ULK1: variants seen among roughly 807,000 people sequenced by gnomAD.
ULK1 encodes the protein unc-51 like autophagy activating kinase 1.
Under a neutral mutation model 117.5 loss-of-function variants are expected in ULK1, and 48 were observed. The ratio of observed to expected loss-of-function variants is 0.41; its 90% confidence interval spans 0.32 to 0.52. The LOEUF (loss-of-function observed/expected upper bound fraction) is 0.52. Ranked by LOEUF, ULK1 falls within the 20% of genes least tolerant of loss-of-function variation. ULK1 has a pLI of 0.29. For synonymous variants in ULK1, 790 were observed against 637.8 expected (o/e 1.24, Z -3.60); for missense variants, 1,387 against 1,473.4 (o/e 0.94, Z 0.96).
chr12:131,912,834 A>AG (rs1889600096), intron 13 of ULK1, among the ~76,000 whole-genome samples: 1 of 151,836 alleles, frequency 6.6e-6, no homozygotes. Context: ...GTATTCCTGG[A>AG]GGGGGTTGGG....
At position 131,916,583 on chromosome 12, in the gene ULK1, C is replaced by G. The variant is rs981468661; in HGVS notation, c.2064C>G (p.Pro688=). The change falls in exon 20 of 28, where the codon CCC becomes CCG. Residue 688 remains proline (P), a synonymous_variant. Transcript: ENST00000321867. ...GLRPGEDPKG[P]FGRSFSTSRL... ...GGCCAGGCGAGGACCCCAAGGGCCC[C>G]TTTGGCCGGTGAGTTGAGGGGACAG... 6.3e-7 allele frequency: 1 copy of G among 1,578,290 alleles called. No individual in the cohort carries two copies. Among genetic ancestry groups the G allele is most frequent in the Non-Finnish European group, 8.6e-7 (1 of 1,168,508 alleles).
intron 1 of ULK1, 51 bp from the exon 2 acceptor site, chr12:131,895,550 G>C: frequency 2.0e-6 from 3 of 1,501,662 alleles, no homozygotes; most frequent in Non-Finnish European, 2.8e-6. Flanking sequence ...GGGTCTGGGG[G>C]AGGCCTGCGA....
At chr12:131,904,423 C>T (rs549713648) in intron 3 of ULK1, among the ~76,000 whole-genome samples, 17 of 152,336 alleles carry the variant, frequency 1.1e-4, no homozygotes, top group South Asian at 6.2e-4. Context: ...GCTGGGATGA[C>T]GGGCATGAGC....
At chr12:131,897,633 G>A (rs1184359492) in intron 3 of ULK1, 1 of 152,104 alleles carries the variant, frequency 6.6e-6, no homozygotes, top group Non-Finnish European at 1.5e-5. Context: ...ATATCAGAAA[G>A]TTTACCCCTC....
Position 131,920,110 on chromosome 12 carries a change from C to T in ULK1, c.2935C>T (p.Leu979Phe). Residue 979 changes from leucine (L) to phenylalanine (F), a missense_variant, in exon 26 of 28, where the codon CTC becomes TTC. Physicochemically the swap from Leu to Phe is conservative, Grantham distance 22 (BLOSUM62 0). Coordinates refer to ENST00000321867, the MANE Select transcript of ULK1 (RefSeq NM_003565.4). ...DRIHSITAER[L>F]IFSHAVQMVQ... ...CATTCACAGCATCACTGCCGAGAGG[C>T]TCATCTTCAGCCACGCTGTGCAGAT... The T allele has an allele frequency of 1.9e-6, 3 of 1,612,836 alleles. No individual in the cohort carries two copies. Among genetic ancestry groups the T allele is most frequent in the Non-Finnish European group, 2.5e-6 (3 of 1,179,918 alleles).
At position 131,921,091 on chromosome 12, in the gene ULK1, C is replaced by T. The variant is rs370810228; in HGVS notation, c.2962-9C>T. 7.6e-6 allele frequency: 12 copies of T among 1,583,376 alleles called. No homozygotes were observed. The highest frequency in any genetic ancestry group is 4.5e-5 in the East Asian group (2 of 44,058). ...GCTGGCCCTGTCCAGCCTCTGTCCTCGCCCCCAGGTGCAGTCGGCTGCCCT... is the reference window on the plus strand; with the variant it reads ...GCTGGCCCTGTCCAGCCTCTGTCCTTGCCCCCAGGTGCAGTCGGCTGCCCT... On this transcript the variant is annotated splice_polypyrimidine_tract_variant and intron_variant, in intron 26 of 27. Coordinates refer to ENST00000321867, the MANE Select transcript of ULK1 (RefSeq NM_003565.4).
intron 10 of ULK1, 52 bp from the exon 11 acceptor site, chr12:131,910,202 T>G: frequency 6.2e-7 from 1 of 1,609,258 alleles, no homozygotes; most frequent in Non-Finnish European, 8.5e-7. Flanking sequence ...GGCAGGGGCC[T>G]GGGGTCAGAG....
In ULK1 at chr12:131,913,274, T is replaced by G; in HGVS notation, c.1157+16T>G. 6.5e-7 allele frequency: 1 copy of G among 1,545,904 alleles called. No individual in the cohort carries two copies. On this transcript the variant is annotated intron_variant, in intron 14 of 27. Transcript: ENST00000321867. ...TGTGCAGTGGGTGAGCCCCCATCCCTTACCTCTGTATTTTAGGGGAGAGAA... is the reference window on the plus strand; with the variant it reads ...TGTGCAGTGGGTGAGCCCCCATCCCGTACCTCTGTATTTTAGGGGAGAGAA...
At chr12:131,917,624 C>T (rs988976814) in intron 22 of ULK1, 70 bp downstream of exon 22, 2 of 1,294,930 alleles carry the variant, frequency 1.5e-6, no homozygotes, top group South Asian at 2.5e-5. Flanking sequence ...ACGGGGGCAT[C>T]CTTTAACTCG....
intron 8 of ULK1, among the ~76,000 whole-genome samples, 170 bp downstream of exon 8, chr12:131,909,407 C>A (rs1035082038): frequency 1.3e-5 from 2 of 152,320 alleles, no homozygotes; most frequent in African/African-American, 4.8e-5. Flanking sequence ...CGGTGTCCCC[C>A]AGGGAGGGCG....
Position 131,917,485 on chromosome 12 carries a change from GTCTTCACCGTGGGC to G in ULK1, c.2261_2274del (p.Phe754SerfsTer43), listed in dbSNP as rs747208869. 6.6e-7 allele frequency: 1 copy of G among 1,506,206 alleles called. No homozygotes were observed. Among genetic ancestry groups the G allele is most frequent in the Admixed American group, 2.2e-5 (1 of 46,014 alleles). 93.3% of individuals were successfully genotyped at this position (1,506,206 alleles called of 1,614,324 possible). On this transcript the variant is annotated frameshift_variant, in exon 22 of 28. Coordinates refer to ENST00000321867, the MANE Select transcript of ULK1 (RefSeq NM_003565.4). LOFTEE classifies it high-confidence loss of function. ...GGGCACCAGCAGCCCTTCCCCGGTG[GTCTTCACCGTGGGC>G]TCTCCCCCGAGCGGGAGCACGCCCC...
intron 18 of ULK1, among the ~76,000 whole-genome samples, 183 bp from the exon 19 acceptor site, chr12:131,915,708 G>A (rs1290492482): frequency 6.6e-6 from 1 of 152,120 alleles, no homozygotes; most frequent in Admixed American, 6.5e-5. Context: ...GGCAGAGGTT[G>A]CAGTGAGCCG....
intron 5 of ULK1, 36 bp downstream of exon 5, chr12:131,907,567 G>C: frequency 6.3e-7 from 1 of 1,598,440 alleles, no homozygotes; most frequent in East Asian, 2.3e-5. Context: ...GCTGCCAGCC[G>C]GTCCCACAGG....
intron 22 of ULK1, 46 bp downstream of exon 22, chr12:131,917,600 C>T: frequency 7.5e-7 from 1 of 1,341,796 alleles, no homozygotes; most frequent in Non-Finnish European, 9.6e-7. Flanking sequence ...GGGGTGGTGG[C>T]AGCGCCCTAG....
At chr12:131,913,927 T>TCTGGACACAGCAGGCCTG in intron 15 of ULK1, 91 bp downstream of exon 15, 1 of 1,186,954 alleles carries the variant, frequency 8.4e-7, no homozygotes, top group Non-Finnish European at 1.1e-6. Context: ...AGCCCAGGCC[T>TCTGGACACAGCAGGCCTG]GCTGTGTCCA....
chr12:131,910,835 C>T, intron 12 of ULK1, 35 bp downstream of exon 12: 2 of 1,610,848 alleles, frequency 1.2e-6, no homozygotes, highest in Non-Finnish European at 8.5e-7. Flanking sequence ...GCAGCTTCTC[C>T]CTCCACTCAG....
intron 13 of ULK1, among the ~76,000 whole-genome samples, chr12:131,912,433 C>T (rs1889581412): frequency 6.6e-6 from 1 of 152,214 alleles, no homozygotes; most frequent in Non-Finnish European, 1.5e-5. Context: ...GTTGCCTCTA[C>T]ACCCTGCAGG....
chr12:131,917,711 G>A (rs896269118), intron 22 of ULK1, among the ~76,000 whole-genome samples, 157 bp downstream of exon 22: 3 of 152,164 alleles, frequency 2.0e-5, no homozygotes, highest in Middle Eastern at 3.2e-3. Flanking sequence ...CCCCTGCTCT[G>A]TCTCCCCGTC....
intron 6 of ULK1, 40 bp from the exon 7 acceptor site, chr12:131,908,858 C>T (rs755714351): frequency 3.1e-6 from 5 of 1,606,028 alleles, no homozygotes; most frequent in East Asian, 4.5e-5. Flanking sequence ...CGGGGAGGGG[C>T]TCCGGGGCCG....
Sources: allele counts gnomAD v4.1 joint callset (sites outside exome capture counted in the v4.1 genomes callset), GRCh38; gene constraint gnomAD v4.1.1; transcripts MANE v1.5; gene names NCBI Gene and HGNC (gene_info 2026-07-23, HGNC 2026-07-21).